Variants in AKAP6 observed in about 807,000 individuals in gnomAD.
The protein encoded by AKAP6 is A-kinase anchoring protein 6.
A neutral mutation model predicts 188.5 loss-of-function variants in AKAP6; 58 were observed. That is an observed-to-expected ratio of 0.31 (90% CI 0.25 to 0.38). The LOEUF is 0.38. Ranked by LOEUF, AKAP6 falls within the 10% of genes least tolerant of loss-of-function variation. The pLI is 1.00. For missense variants in AKAP6, 2,710 were observed against 2,740.0 expected, an observed-to-expected ratio of 0.99 and a Z score of 0.24; for synonymous variants, 989 against 998.6, an observed-to-expected ratio of 0.99 and a Z score of 0.18.
At chr14:32,788,997 T>C (rs1021202981) in intron 12 of AKAP6, among the ~76,000 whole-genome samples, 4 of 152,156 alleles carry the variant, frequency 2.6e-5, no homozygotes, top group African/African-American at 9.7e-5. Context: ...TCGGCCACCA[T>C]CTATGTGGTT....
At chr14:32,398,119 T>C (rs1447730665) in intron 1 of AKAP6, among the ~76,000 whole-genome samples, 1 of 152,216 alleles carries the variant, frequency 6.6e-6, no homozygotes, top group Non-Finnish European at 1.5e-5. Context: ...CCCTCTGCCC[T>C]TTATGTAGTT....
At position 32,535,688 on chromosome 14, in the gene AKAP6, G is replaced by C. The variant is rs1334125651; in HGVS notation, c.459G>C (p.Gln153His). 1.2e-6 allele frequency: 2 copies of C among 1,614,236 alleles called. No homozygotes were observed. Among genetic ancestry groups the C allele is most frequent in the Admixed American group, 1.7e-5 (1 of 60,032 alleles). Residue 153 changes from glutamine (Q) to histidine (H), a missense_variant, in exon 3 of 14, where the codon CAG (glutamine) becomes CAC (histidine). Physicochemically the swap from Gln to His is conservative, Grantham distance 24. This residue lies in a region of AKAP6 where 237 missense variants were observed against 313.9 expected (regional missense o/e 0.76). Coordinates refer to ENST00000280979, the MANE Select transcript of AKAP6 (RefSeq NM_004274.5). ...DIHAVQLLWH[Q>H]LRVSVLVLRE... ...ACGCAGTGCAGCTCCTCTGGCACCA[G>C]CTTCGAGTCTCAGTGCTGGTTCTGC...
chr14:32,353,525 C>T (rs1887365454), intron 1 of AKAP6, among the ~76,000 whole-genome samples: 1 of 152,200 alleles, frequency 6.6e-6, no homozygotes, highest in Non-Finnish European at 1.5e-5. Context: ...CGTGCCACTG[C>T]ACTCTAGCCT....
chr14:32,643,668 G>A (rs934294452), intron 7 of AKAP6, among the ~76,000 whole-genome samples: 2 of 151,960 alleles, frequency 1.3e-5, no homozygotes, highest in Non-Finnish European at 2.9e-5. Context: ...CCTGATTTAT[G>A]AGCATGTTTT....
chr14:32,648,904 C>T (rs1028276501), intron 7 of AKAP6, among the ~76,000 whole-genome samples: 6 of 152,088 alleles, frequency 3.9e-5, no homozygotes, highest in Non-Finnish European at 8.8e-5. Context: ...AAAAAAAAGA[C>T]ATTGCATTTT....
intron 2 of AKAP6, among the ~76,000 whole-genome samples, chr14:32,442,895 C>T (rs1890628960): frequency 1.3e-5 from 2 of 151,948 alleles, no homozygotes; most frequent in Non-Finnish European, 2.9e-5. Context: ...TTTTACATCT[C>T]AAAAGAGGGG....
intron 7 of AKAP6, among the ~76,000 whole-genome samples, chr14:32,616,068 A>G (rs960436935): frequency 9.2e-5 from 14 of 152,182 alleles, no homozygotes; most frequent in Non-Finnish European, 1.3e-4. Context: ...TTTAATTAAG[A>G]ATTATTAGCC....
intron 7 of AKAP6, among the ~76,000 whole-genome samples, chr14:32,619,952 G>A (rs1226319827): frequency 6.6e-6 from 1 of 152,068 alleles, no homozygotes; most frequent in African/African-American, 2.4e-5. Context: ...TATTATAAAA[G>A]GGATTGAGTT....
chr14:32,683,720 T>C (rs1889792092), intron 8 of AKAP6, among the ~76,000 whole-genome samples: 1 of 152,186 alleles, frequency 6.6e-6, no homozygotes. Context: ...GGAGGCAGTG[T>C]GTGCAAACAG....
intron 9 of AKAP6, among the ~76,000 whole-genome samples, chr14:32,703,191 G>A (rs562212964): frequency 9.2e-5 from 14 of 152,106 alleles, no homozygotes; most frequent in Admixed American, 3.9e-4. Context: ...GCGGGGAGAG[G>A]GGGGCTTGGA....
intron 7 of AKAP6, among the ~76,000 whole-genome samples, chr14:32,654,879 G>A (rs551377766): frequency 1.3e-5 from 2 of 151,618 alleles, no homozygotes; most frequent in African/African-American, 2.4e-5. Flanking sequence ...TTATGAAGGA[G>A]CTATTTTTAC....
At chr14:32,449,744 T>G (rs1417529859) in intron 2 of AKAP6, among the ~76,000 whole-genome samples, 1 of 152,130 alleles carries the variant, frequency 6.6e-6, no homozygotes, top group Non-Finnish European at 1.5e-5. Context: ...AGGTAGTAAC[T>G]GCTAAAATAG....
At chr14:32,339,804 T>C (rs1470862283) in intron 1 of AKAP6, among the ~76,000 whole-genome samples, 1 of 152,126 alleles carries the variant, frequency 6.6e-6, no homozygotes, top group African/African-American at 2.4e-5. Context: ...ATGAAGAACA[T>C]ACAGCTTCAT....
intron 11 of AKAP6, among the ~76,000 whole-genome samples, chr14:32,741,819 G>GTTTTTTTT (rs34015837): frequency 9.9e-5 from 7 of 70,708 alleles, no homozygotes; most frequent in Non-Finnish European, 1.9e-4. Context: ...TAGCCTGTAG[G>GTTTTTTTT]TTTTTTTTTT....
intron 8 of AKAP6, among the ~76,000 whole-genome samples, chr14:32,688,802 G>C (rs549263686): frequency 6.6e-6 from 1 of 152,282 alleles, no homozygotes; most frequent in South Asian, 2.1e-4. Flanking sequence ...TGTAGTCCAA[G>C]CATAGCACTC....
chr14:32,664,113 A>G lies in AKAP6; in HGVS notation c.2731-14198A>G, dbSNP rs1742546706. 2.6e-5 allele frequency among the ~76,000 whole-genome samples: 4 copies of G among 152,250 alleles called. No individual in the cohort carries two copies. The South Asian group carries it at 8.3e-4, about 32-fold the overall frequency. ...TTGCTTAACCTGTCTCTTACTTAGA[A>G]TATCAATATGCCTAGTGGATAGGAA... On this transcript the variant is annotated intron_variant, in intron 7 of 13. Coordinates refer to ENST00000280979, the MANE Select transcript of AKAP6 (RefSeq NM_004274.5).
At chr14:32,582,247 C>G (rs893144958) in intron 5 of AKAP6, among the ~76,000 whole-genome samples, 1 of 152,122 alleles carries the variant, frequency 6.6e-6, no homozygotes, top group African/African-American at 2.4e-5. Context: ...TTTTCCTTCA[C>G]TTATGAAGCT....
chr14:32,793,467 A>G (rs1466100955), intron 12 of AKAP6, among the ~76,000 whole-genome samples: 1 of 152,088 alleles, frequency 6.6e-6, no homozygotes, highest in African/African-American at 2.4e-5. Context: ...TTCAATAAAA[A>G]AAAGCTAACT....
At chr14:32,582,817 C>T (rs868415437) in intron 5 of AKAP6, among the ~76,000 whole-genome samples, 26 of 152,020 alleles carry the variant, frequency 1.7e-4, no homozygotes, top group Admixed American at 4.6e-4. Context: ...ACGTAGTTCT[C>T]GAGCCTTGGC....
Sources: gnomAD v4.1 joint callset for allele counts (sites outside exome capture counted in the v4.1 genomes callset) on GRCh38, gnomAD v4.1.1 for gene constraint, gnomAD v4.1.1 regional missense constraint, MANE v1.5 for transcripts, NCBI Gene and HGNC (gene_info 2026-07-23, HGNC 2026-07-21) for gene names.